ROBO1: variants seen among roughly 807,000 people sequenced by gnomAD.
ROBO1 encodes the protein roundabout homolog 1.
Under a neutral mutation model 195.9 loss-of-function variants are expected in ROBO1, and 149 were observed. The ratio of observed to expected loss-of-function variants is 0.76; its 90% confidence interval spans 0.67 to 0.87. The LOEUF (loss-of-function observed/expected upper bound fraction) is 0.87, where lower values mean the gene tolerates loss of function less well. ROBO1 is among the 40% of genes least tolerant of loss of function. The probability of loss-of-function intolerance (pLI) is 0.00; values close to 1 mark genes in which losing one functional copy is unlikely to be tolerated. For synonymous variants in ROBO1, 816 were observed against 733.2 expected, an observed-to-expected ratio of 1.11 and a Z score of -1.82; for missense variants, 1,933 against 2,068.3, an observed-to-expected ratio of 0.93 and a Z score of 1.27.
intron 1 of ROBO1, among the ~76,000 whole-genome samples, chr3:79,703,809 C>G (rs1016697146): frequency 6.6e-6 from 1 of 151,786 alleles, no homozygotes; most frequent in African/African-American, 2.4e-5. Flanking sequence ...GTAAATTGGC[C>G]TAATACTTCT....
At chr3:78,950,690 T>TA (rs112083370) in intron 3 of ROBO1, among the ~76,000 whole-genome samples, 58 of 145,144 alleles carry the variant, frequency 4.0e-4, no homozygotes, top group South Asian at 1.1e-3. Context: ...AATATTAAAT[T>TA]AAAAAAAAAA....
chr3:78,761,509 T>C (rs1180924605), intron 4 of ROBO1, among the ~76,000 whole-genome samples: 1 of 152,214 alleles, frequency 6.6e-6, no homozygotes, highest in Non-Finnish European at 1.5e-5. Context: ...CTGAACTTAG[T>C]TATAAGTCAT....
At chr3:79,333,402 T>C (rs1396908739) in intron 2 of ROBO1, among the ~76,000 whole-genome samples, 3 of 152,076 alleles carry the variant, frequency 2.0e-5, no homozygotes, top group Admixed American at 1.3e-4. Flanking sequence ...CACATATCCT[T>C]ATCAATTATC....
intron 1 of ROBO1, among the ~76,000 whole-genome samples, chr3:79,698,662 T>C (rs1947518031): frequency 6.6e-6 from 1 of 151,562 alleles, no homozygotes; most frequent in South Asian, 2.1e-4. Context: ...TAAACTACCA[T>C]TAAGAAGTTA....
chr3:78,963,494 GT>G (rs750158094), intron 3 of ROBO1, among the ~76,000 whole-genome samples: 2,116 of 72,254 alleles, frequency 0.029, 1 homozygote, highest in African/African-American at 0.095. Context: ...AAAACCTTCA[GT>G]TTTTTTTTTT....
intron 2 of ROBO1, among the ~76,000 whole-genome samples, chr3:79,148,869 A>G (rs2080708311): frequency 6.6e-6 from 1 of 151,942 alleles, no homozygotes; most frequent in Non-Finnish European, 1.5e-5. Context: ...ATTAAAATTT[A>G]GACATAGCAT....
intron 3 of ROBO1, among the ~76,000 whole-genome samples, chr3:78,978,646 G>T (rs2076931334): frequency 6.6e-6 from 1 of 152,032 alleles, no homozygotes; most frequent in South Asian, 2.1e-4. Flanking sequence ...TTCACATCCA[G>T]GTCTAGTTCT....
chr3:79,692,986 G>A (rs1221225009), intron 1 of ROBO1, among the ~76,000 whole-genome samples: 2 of 151,764 alleles, frequency 1.3e-5, no homozygotes. Context: ...TAACAAATGT[G>A]TTTTGACTTT....
At chr3:79,649,304 CAAT>C (rs1945928773) in intron 1 of ROBO1, among the ~76,000 whole-genome samples, 1 of 151,856 alleles carries the variant, frequency 6.6e-6, no homozygotes, top group Non-Finnish European at 1.5e-5. Flanking sequence ...ATTGTCATAG[CAAT>C]AATAACTATA....
chr3:79,737,264 T>C (rs529712095), intron 1 of ROBO1, among the ~76,000 whole-genome samples: 1 of 152,226 alleles, frequency 6.6e-6, no homozygotes, highest in South Asian at 2.1e-4. Flanking sequence ...TAACTATGAA[T>C]TACATAATAA....
chr3:78,763,161 A>G (rs912950814), intron 4 of ROBO1, among the ~76,000 whole-genome samples: 1 of 152,214 alleles, frequency 6.6e-6, no homozygotes, highest in Non-Finnish European at 1.5e-5. Flanking sequence ...ACCGGCAATT[A>G]AAATATCCAG....
At chr3:78,975,459 G>A (rs1394891329) in intron 3 of ROBO1, among the ~76,000 whole-genome samples, 1 of 152,090 alleles carries the variant, frequency 6.6e-6, no homozygotes, top group Non-Finnish European at 1.5e-5. Context: ...TGGATAAAAA[G>A]AATGAGAATT....
In ROBO1 at chr3:79,577,717, A is replaced by AACACACACAC. The variant is rs58998352; in HGVS notation, c.88+12097_88+12106dup. ...ATGAAGAAATCCTGTCTTTACTAAA[A>AACACACACAC]ACACACACACACACACACACACACA... On this transcript the variant is annotated intron_variant, in intron 2 of 30. Transcript: ENST00000464233. 4.4e-3 allele frequency among the ~76,000 whole-genome samples: 619 copies of AACACACACAC among 140,702 alleles called. 3 individuals are homozygous for AACACACACAC. Among genetic ancestry groups the AACACACACAC allele is most frequent in the African/African-American group, 0.014 (552 of 38,250 alleles). 92.3% of individuals were successfully genotyped at this position (140,702 alleles called of 152,430 possible).
intron 3 of ROBO1, among the ~76,000 whole-genome samples, chr3:78,943,269 G>A (rs2040240461): frequency 6.6e-6 from 1 of 152,154 alleles, no homozygotes; most frequent in Non-Finnish European, 1.5e-5. Flanking sequence ...TAAGTCTAGA[G>A]AGATGATGTA....
At chr3:79,525,563 T>C (rs1941396944) in intron 2 of ROBO1, among the ~76,000 whole-genome samples, 1 of 147,364 alleles carries the variant, frequency 6.8e-6, no homozygotes, top group Non-Finnish European at 1.5e-5. Context: ...TATAAATATA[T>C]ATATATTTTT....
At chr3:78,602,827 C>T (rs1041487291) in intron 29 of ROBO1, among the ~76,000 whole-genome samples, 12 of 152,294 alleles carry the variant, frequency 7.9e-5, no homozygotes, top group Middle Eastern at 3.4e-3. Context: ...ACAATGCTCA[C>T]TCCCTTAGAT....
At chr3:79,143,057 T>G (rs1459072664) in intron 2 of ROBO1, among the ~76,000 whole-genome samples, 3 of 152,094 alleles carry the variant, frequency 2.0e-5, no homozygotes, top group Admixed American at 2.0e-4. Flanking sequence ...ATTGACAGTA[T>G]TTTTAACAAA....
In ROBO1 at chr3:79,316,144, C is replaced by G. The variant is rs1053121894; in HGVS notation, c.89-190605G>C. On this transcript the variant is annotated intron_variant, in intron 2 of 30. Transcript: ENST00000464233. ...ATTATGACTGAGACAAGTCTTTAGACAAACTCTAAGATGAGACAACCTAGC... is the reference window on the plus strand; with the variant it reads ...ATTATGACTGAGACAAGTCTTTAGAGAAACTCTAAGATGAGACAACCTAGC... 2.0e-5 allele frequency among the ~76,000 whole-genome samples: 3 copies of G among 152,260 alleles called. No homozygotes were observed. In the South Asian group the frequency reaches 6.2e-4, roughly 32 times the overall value.
intron 4 of ROBO1, among the ~76,000 whole-genome samples, chr3:78,865,036 C>T (rs543318743): frequency 6.6e-6 from 1 of 152,268 alleles, no homozygotes; most frequent in Non-Finnish European, 1.5e-5. Flanking sequence ...ACCATTCACT[C>T]ATTTTCAAAT....
Sources: gnomAD v4.1 joint callset for allele counts (sites outside exome capture counted in the v4.1 genomes callset) on GRCh38, gnomAD v4.1.1 for gene constraint, MANE v1.5 for transcripts, NCBI Gene and HGNC (gene_info 2026-07-23, HGNC 2026-07-21) for gene names.